Variants in MUC5B observed in about 807,000 individuals in gnomAD.
MUC5B encodes mucin 5B, oligomeric mucus/gel-forming.
Under a neutral mutation model 376.9 loss-of-function variants are expected in MUC5B, and 116 were observed. The ratio of observed to expected loss-of-function variants is 0.31; its 90% CI spans 0.26 to 0.36. The LOEUF (loss-of-function observed/expected upper bound fraction) is 0.36. MUC5B is among the 10% of genes least tolerant of loss of function. The pLI is 1.00. For synonymous variants in MUC5B, 3,517 were observed against 3,390.9 expected, an observed-to-expected ratio of 1.04 and a Z score of -1.29; for missense variants, 7,165 against 7,769.9, an observed-to-expected ratio of 0.92 and a Z score of 2.93.
rs1343154970 is a variant in MUC5B, at chr11:1,249,695, C to A, written c.12815C>A (p.Thr4272Asn). The A allele has an allele frequency of 6.2e-7, 1 of 1,610,526 alleles. No individual in the cohort carries two copies. Among genetic ancestry groups the A allele is most frequent in the Non-Finnish European group, 8.5e-7 (1 of 1,177,988 alleles). Residue 4272 changes from threonine (T) to asparagine (N), a missense_variant, in exon 31 of 49, where the codon ACC (threonine) becomes AAC (asparagine). By Grantham distance (65) the Thr-to-Asn change is moderately conservative. This residue lies in a region of MUC5B where 431 missense variants were observed against 390.4 expected (regional missense o/e 1.10). Transcript: ENST00000529681. ...GGATCCACGGCCACCCCGTCCTCCACCCCGGGAACAGCTCCCCCTCCCAAA... is the reference window on the plus strand; with the variant it reads ...GGATCCACGGCCACCCCGTCCTCCAACCCGGGAACAGCTCCCCCTCCCAAA... ...STGSTATPSS[T>N]PGTAPPPKVL...
chr11:1,251,214 C>T lies in MUC5B; in HGVS notation c.14334C>T (p.Ile4778=), dbSNP rs1267998796. ...TTTPMSTMST[I]HTSSTPETTH... ...CACCCATGTCCACCATGTCCACAAT[C>T]CACACCTCCTCTACTCCAGAGACCA... The change falls in exon 31 of 49, where the codon ATC becomes ATT. Residue 4778 remains isoleucine (I), a synonymous_variant. Transcript: ENST00000529681. 6.2e-7 allele frequency: 1 copy of T among 1,611,054 alleles called. No homozygotes were observed.
chr11:1,241,520 T>C lies in MUC5B; in HGVS notation c.4640T>C (p.Ile1547Thr), dbSNP rs1446281152. The change falls in exon 31 of 49, where the codon ATA becomes ACA. Residue 1547 changes from isoleucine to threonine, a missense_variant. Coordinates refer to ENST00000529681, the MANE Select transcript of MUC5B (RefSeq NM_002458.3). ...CACTTATGCCAGCAGCCTAAGGACA[T>C]AGAGTGCCAGGCCGAGAGCTTCCCC... ...GGHLCQQPKD[I>T]ECQAESFPNW... is the part of the protein sequence containing the mutation. The C allele has an allele frequency of 6.2e-7, 1 of 1,613,206 alleles. No individual in the cohort carries two copies. The highest frequency in any genetic ancestry group is 1.1e-5 in the South Asian group (1 of 91,004).
Position 1,246,139 on chromosome 11 carries a change from C to A in MUC5B, c.9259C>A (p.Pro3087Thr), listed in dbSNP as rs912573252. 1.9e-6 allele frequency: 3 copies of A among 1,612,968 alleles called. No individual in the cohort carries two copies. The highest frequency in any genetic ancestry group is 2.7e-5 in the African/African-American group (2 of 74,656). Reference sequence around the variant, plus strand: ...GACCCTCCCAGAACAGACCACCACACCCATGGCCACCATGTCCACAATCCA... The same window carrying A: ...GACCCTCCCAGAACAGACCACCACAACCATGGCCACCATGTCCACAATCCA... ...TGTLPEQTTTPMATMSTIHPS... is the reference protein window; with the variant it reads ...TGTLPEQTTTTMATMSTIHPS... Residue 3087 changes from proline to threonine, a missense_variant, in exon 31 of 49, where the codon CCC (proline) becomes ACC (threonine). Physicochemically the swap from Pro to Thr is conservative, Grantham distance 38. This residue lies in a region of MUC5B where 939 missense variants were observed against 770.6 expected (regional missense o/e 1.22). Coordinates refer to ENST00000529681, the MANE Select transcript of MUC5B (RefSeq NM_002458.3).
Position 1,245,468 on chromosome 11 carries a change from T to G in MUC5B, c.8588T>G (p.Ile2863Arg), listed in dbSNP as rs757787365. 1.8e-5 allele frequency: 24 copies of G among 1,328,604 alleles called. 2 individuals carry two copies. In the South Asian group the frequency reaches 2.9e-4, roughly 16 times the overall value. 82.3% of individuals were successfully genotyped at this position (1,328,604 alleles called of 1,614,324 possible). A position where few individuals can be genotyped will look rare whatever the true frequency, so the allele number is the denominator to read the frequency against. ...LLPSSPTSAP[I>R]TTVVTMGCEP... ...CCCAGCAGCCCCACATCGGCCCCAA[T>G]AACCACGGTGGTGACCATGGGCTGT... is the stretch of plus-strand genomic sequence containing the variant. Residue 2863 changes from isoleucine to arginine, a missense_variant, in exon 31 of 49, where the codon ATA becomes AGA. Physicochemically the swap from Ile to Arg is moderately conservative, Grantham distance 97 (BLOSUM62 -3). Coordinates refer to ENST00000529681, the MANE Select transcript of MUC5B (RefSeq NM_002458.3).
rs1219605964 is a variant in MUC5B, at chr11:1,232,093, G to A, written c.1776G>A (p.Lys592=). The A allele has an allele frequency of 8.1e-6, 13 of 1,612,782 alleles. No individual in the cohort carries two copies. The highest frequency in any genetic ancestry group is 1.1e-5 in the Non-Finnish European group (13 of 1,179,784). Reference sequence around the variant, plus strand: ...GCGCAGCCTTCGCCAACACCTGGAAGGCCCAGGCTGCCTGTGCCAATGCCA... The same window carrying A: ...GCGCAGCCTTCGCCAACACCTGGAAAGCCCAGGCTGCCTGTGCCAATGCCA... The part of the protein sequence containing the change: ...ATGAAFANTW[K]AQAACANARN... The change falls in exon 15 of 49, where the codon AAG becomes AAA. Residue 592 remains lysine, a synonymous_variant. Coordinates refer to ENST00000529681, the MANE Select transcript of MUC5B (RefSeq NM_002458.3).
In MUC5B at chr11:1,251,472, G is replaced by A. The variant is rs756511315; in HGVS notation, c.14592G>A (p.Thr4864=). 6.1e-5 allele frequency: 99 copies of A among 1,612,126 alleles called. No homozygotes were observed. The highest frequency in any genetic ancestry group is 1.2e-4 in the Admixed American group (7 of 59,934). The change falls in exon 31 of 49, where the codon ACG becomes ACA. Residue 4864 remains threonine (T), a synonymous_variant. Coordinates refer to ENST00000529681, the MANE Select transcript of MUC5B (RefSeq NM_002458.3). ...CCGTGATGGTGCCCACCGGTTCCAC[G>A]GCCACCGCCTCCTCCACTCTGGGAA... ...IATVMVPTGS[T]ATASSTLGTA... is the part of the protein sequence containing the mutation.
In MUC5B at chr11:1,236,910, T is replaced by A; in HGVS notation, c.3058-15T>A. 1.4e-6 allele frequency: 2 copies of A among 1,420,066 alleles called. No homozygotes were observed. Among genetic ancestry groups the A allele is most frequent in the Non-Finnish European group, 1.8e-6 (2 of 1,081,648 alleles). The allele number at this position is 1,420,066 out of a possible 1,614,324, so 88.0% of individuals were successfully genotyped here. On this transcript the variant is annotated splice_polypyrimidine_tract_variant and intron_variant, in intron 24 of 48. Coordinates refer to ENST00000529681, the MANE Select transcript of MUC5B (RefSeq NM_002458.3). ...GCCCCAGCTCCAGGGCCCCACTCTC[T>A]CGCTGCCTCTGCAGGGCAGGGTCTG...
rs368313187 is a variant in MUC5B at position 1,258,275 on chromosome 11, G to A, written c.16556-55G>A. ...TGGGGGAGTGCAGGATGGTGGGGGC[G>A]CTGGAGCACATGCTCCCCACCACTT... On this transcript the variant is annotated intron_variant, in intron 42 of 48. Transcript: ENST00000529681. The surrounding 1 kb of genome is among the most constrained non-coding windows in gnomAD (Gnocchi z 5.5). The A allele has an allele frequency of 1.3e-4, 212 of 1,595,996 alleles. No individual in the cohort carries two copies. The highest frequency in any genetic ancestry group is 1.6e-4 in the South Asian group (14 of 88,782).
chr11:1,224,387 C>A (rs902247276), intron 1 of MUC5B, among the ~76,000 whole-genome samples: 2 of 151,786 alleles, frequency 1.3e-5, no homozygotes, highest in African/African-American at 4.8e-5. Context: ...AAGATGGAGG[C>A]CCAGGTGGTC....
rs772992094 is a variant in MUC5B, at chr11:1,247,983, T to G, written c.11103T>G (p.Thr3701=). The G allele has an allele frequency of 6.2e-7, 1 of 1,609,768 alleles. No homozygotes were observed. The highest frequency in any genetic ancestry group is 1.1e-5 in the South Asian group (1 of 90,962). ...TCACAAAGCTGACCACAACAGCCAC[T>G]ACGACTGAGTCCACTGGATCCACGG... is the stretch of plus-strand genomic sequence containing the variant. ...WILTKLTTTA[T]TTESTGSTAT... Residue 3701 remains threonine (T), a synonymous_variant, in exon 31 of 49, where the codon ACT becomes ACG. Coordinates refer to ENST00000529681, the MANE Select transcript of MUC5B (RefSeq NM_002458.3).
At position 1,253,540 on chromosome 11, in the gene MUC5B, C is replaced by T. The variant is rs375140999; in HGVS notation, c.15218-552C>T. On this transcript the variant is annotated intron_variant, in intron 33 of 48. Transcript: ENST00000529681. This position sits in a 1 kb window ranked among gnomAD's most constrained non-coding sequence, Gnocchi z 4.3. ...TTGGCCCAGGGCTGCTGTTCCAAAC[C>T]GCCACAAGCTGGGGAGCTTATACAA... 4.6e-5 allele frequency among the ~76,000 whole-genome samples: 7 copies of T among 152,118 alleles called. No individual in the cohort carries two copies. The highest frequency in any genetic ancestry group is 1.2e-4 in the African/African-American group (5 of 41,426).
At position 1,261,913 on chromosome 11, in the gene MUC5B, T is replaced by C. The variant is rs762071610; in HGVS notation, c.*305T>C. 6.6e-5 allele frequency: 41 copies of C among 619,268 alleles called. No individual in the cohort carries two copies. Among genetic ancestry groups the C allele is most frequent in the Non-Finnish European group, 9.7e-5 (32 of 331,486 alleles). The allele number at this position is 619,268 out of a possible 1,614,324, so 38.4% of individuals were successfully genotyped here. On this transcript the variant is annotated 3_prime_UTR_variant, in exon 49 of 49. Coordinates refer to ENST00000529681, the MANE Select transcript of MUC5B (RefSeq NM_002458.3). ...AACAAACTAAGCATGTGCGGGCCTA[T>C]GTGTCCCTGCCACGGCCGGAGCGCC... is the stretch of plus-strand genomic sequence containing the variant.
Position 1,223,117 on chromosome 11 carries a change from C to A in MUC5B, c.-7C>A. 1 of 702,766 alleles carries A rather than the reference C, an allele frequency of 1.4e-6. No homozygotes were observed. The highest frequency in any genetic ancestry group is 2.6e-6 in the Non-Finnish European group (1 of 383,478). The allele number at this position is 702,766 out of a possible 1,614,324, so 43.5% of individuals were successfully genotyped here. A position where few individuals can be genotyped will look rare whatever the true frequency, so the allele number is the denominator to read the frequency against. On this transcript the variant is annotated 5_prime_UTR_variant, in exon 1 of 49. Coordinates refer to ENST00000529681, the MANE Select transcript of MUC5B (RefSeq NM_002458.3). ...TCCCCGTCCCCCCACCCGTGCCAGC[C>A]CCCAGGATGGGTGCCCCGAGCGCGT...
At position 1,257,726 on chromosome 11, in the gene MUC5B, G is replaced by C. The variant is rs749836229; in HGVS notation, c.16450+16G>C. ...ACGGTGTGCGGTAAGACGCTGCAGAGCAGAGGTGCCCGGCATAGGGTGAGG... is the reference window on the plus strand; with the variant it reads ...ACGGTGTGCGGTAAGACGCTGCAGACCAGAGGTGCCCGGCATAGGGTGAGG... On this transcript the variant is annotated intron_variant, in intron 41 of 48. Transcript: ENST00000529681. This position sits in a 1 kb window ranked among gnomAD's most constrained non-coding sequence, Gnocchi z 8.9. 6.5e-7 allele frequency: 1 copy of C among 1,532,548 alleles called. No individual in the cohort carries two copies. The highest frequency in any genetic ancestry group is 2.4e-5 in the East Asian group (1 of 41,064). The allele number at this position is 1,532,548 out of a possible 1,614,324, so 94.9% of individuals were successfully genotyped here. A position where few individuals can be genotyped will look rare whatever the true frequency, so the allele number is the denominator to read the frequency against.
In MUC5B at chr11:1,242,228, G is replaced by T; in HGVS notation, c.5348G>T (p.Arg1783Leu). Residue 1783 changes from arginine (R) to leucine (L), a missense_variant, in exon 31 of 49, where the codon CGC (arginine) becomes CTC (leucine). Around this residue, in one of 31 missense-constraint regions of MUC5B, gnomAD observed 897 missense variants for 779.6 expected, o/e 1.15. Coordinates refer to ENST00000529681, the MANE Select transcript of MUC5B (RefSeq NM_002458.3). ...ACCACCACCAGCCAGGGCACGACCCGCTGTCAACCGAAGTGTGAGTGGACA... is the reference window on the plus strand; with the variant it reads ...ACCACCACCAGCCAGGGCACGACCCTCTGTCAACCGAAGTGTGAGTGGACA... ...TNTTTSQGTT[R>L]CQPKCEWTEW... The T allele has an allele frequency of 6.2e-7, 1 of 1,613,786 alleles. No homozygotes were observed. Among genetic ancestry groups the T allele is most frequent in the Non-Finnish European group, 8.5e-7 (1 of 1,179,890 alleles).
chr11:1,260,829 C>A, intron 48 of MUC5B, 101 bp downstream of exon 48: 1 of 845,864 alleles, frequency 1.2e-6, no homozygotes, highest in Non-Finnish European at 1.9e-6. Context: ...GGAGGGCCTA[C>A]GCCAGCTCCA....
In MUC5B at chr11:1,255,242, C is replaced by T. The variant is rs754895071; in HGVS notation, c.15866C>T (p.Pro5289Leu). ...ACCCCCACCCCATGCCCACCACAGCCGCTCTGTGATCTGATGCTGAGCCAG... is the reference window on the plus strand; with the variant it reads ...ACCCCCACCCCATGCCCACCACAGCTGCTCTGTGATCTGATGCTGAGCCAG... ...TPTPTPCPPQ[P>L]LCDLMLSQVF... The change falls in exon 36 of 49, where the codon CCG (proline) becomes CTG (leucine). Residue 5289 changes from proline to leucine, a missense_variant. By Grantham distance (98) the Pro-to-Leu change is moderately conservative. This residue lies in a region of MUC5B where 842 missense variants were observed against 1,016.9 expected (regional missense o/e 0.83). Coordinates refer to ENST00000529681, the MANE Select transcript of MUC5B (RefSeq NM_002458.3). 12 of 1,530,350 alleles carry T rather than the reference C, an allele frequency of 7.8e-6. No individual in the cohort carries two copies. Among genetic ancestry groups the T allele is most frequent in the South Asian group, 6.1e-5 (5 of 81,336 alleles). 94.8% of individuals were successfully genotyped at this position (1,530,350 alleles called of 1,614,324 possible).
At chr11:1,233,891 A>G in intron 19 of MUC5B, 43 bp downstream of exon 19, 1 of 1,520,730 alleles carries the variant, frequency 6.6e-7, no homozygotes, top group East Asian at 2.4e-5. Flanking sequence ...CCCGCCCCGC[A>G]TCACCCCGCC....
chr11:1,224,603 G>A (rs971868516), intron 1 of MUC5B, among the ~76,000 whole-genome samples: 9 of 151,248 alleles, frequency 6.0e-5, no homozygotes, highest in Admixed American at 1.3e-4. Flanking sequence ...GGGAGGGGCT[G>A]CCTGCGGCGG....
Sources: gnomAD v4.1 joint callset for allele counts (sites outside exome capture counted in the v4.1 genomes callset) on GRCh38, gnomAD v4.1.1 for gene constraint, gnomAD v4.1.1 regional missense constraint, Gnocchi (gnomAD v3.1) non-coding constraint, MANE v1.5 for transcripts, NCBI Gene and HGNC (gene_info 2026-07-23, HGNC 2026-07-21) for gene names.